The following GAB2 variants were observed in gnomAD, a reference collection of about 807,000 sequenced individuals.
The protein encoded by GAB2 is GRB2-associated-binding protein 2.
GAB2 carries 26 observed loss-of-function variants against 65.5 expected under a neutral mutation model. That is an observed-to-expected ratio of 0.40 (90% CI 0.29 to 0.55). The LOEUF (loss-of-function observed/expected upper bound fraction) is 0.55. Ranked by LOEUF, GAB2 falls within the 20% of genes least tolerant of loss-of-function variation. GAB2 has a pLI of 0.53. For synonymous variants in GAB2, 321 were observed against 329.6 expected (o/e 0.97, Z 0.28); for missense variants, 884 against 875.8 (o/e 1.01, Z -0.12).
intron 1 of GAB2, among the ~76,000 whole-genome samples, chr11:78,375,028 T>C (rs1323860056): frequency 3.3e-5 from 5 of 152,302 alleles, no homozygotes; most frequent in Admixed American, 3.3e-4. Flanking sequence ...TTGCAATCTT[T>C]GTATATTTCG....
At chr11:78,225,031 G>T in intron 5 of GAB2, 77 bp downstream of exon 5, 1 of 865,180 alleles carries the variant, frequency 1.2e-6, no homozygotes, top group Non-Finnish European at 1.9e-6. Flanking sequence ...TTTTGGGGTT[G>T]TGCTTTTAAT....
chr11:78,329,412 C>T (rs1424728094), intron 1 of GAB2, among the ~76,000 whole-genome samples: 1 of 152,106 alleles, frequency 6.6e-6, no homozygotes, highest in African/African-American at 2.4e-5. Flanking sequence ...CATCTGTGTT[C>T]CTTTTAGCAT....
At chr11:78,350,135 C>A (rs576665824) in intron 1 of GAB2, among the ~76,000 whole-genome samples, 1 of 152,064 alleles carries the variant, frequency 6.6e-6, no homozygotes, top group Non-Finnish European at 1.5e-5. Context: ...GTAAATTTAC[C>A]GTCTTCCTAT....
chr11:78,372,932 C>T (rs779873088), intron 1 of GAB2, among the ~76,000 whole-genome samples: 3 of 152,002 alleles, frequency 2.0e-5, no homozygotes, highest in Non-Finnish European at 4.4e-5. Context: ...TTTACATTTT[C>T]GCTCCATTCA....
chr11:78,244,385 C>T (rs1300111250), intron 3 of GAB2, among the ~76,000 whole-genome samples: 1 of 146,802 alleles, frequency 6.8e-6, no homozygotes, highest in Admixed American at 7.0e-5. Context: ...GAGGGAGATT[C>T]TGTCTCAAAA....
intron 2 of GAB2, among the ~76,000 whole-genome samples, chr11:78,271,976 G>C (rs147522915): frequency 1.2e-3 from 188 of 152,320 alleles, no homozygotes; most frequent in African/African-American, 3.6e-3. Flanking sequence ...GAGTTCCCCT[G>C]CACAAGCTCT....
chr11:78,233,306 A>T lies in GAB2; in HGVS notation c.621-6255T>A, dbSNP rs1169492483. On this transcript the variant is annotated intron_variant, in intron 3 of 9. Transcript: ENST00000361507. Reference sequence around the variant, plus strand: ...TGTCTTGGTCTCCCAAAGTGCTGGGATTATAGGCATGAGCCACTGCGTCTG... The same window carrying T: ...TGTCTTGGTCTCCCAAAGTGCTGGGTTTATAGGCATGAGCCACTGCGTCTG... 2.0e-5 allele frequency among the ~76,000 whole-genome samples: 3 copies of T among 152,144 alleles called. No individual in the cohort carries two copies. In the East Asian group the frequency reaches 5.8e-4, roughly 29 times the overall value.
intron 1 of GAB2, among the ~76,000 whole-genome samples, chr11:78,370,725 A>ATGTGTGTGTGTGTGTGTGTGTGTG (rs113823389): frequency 3.4e-5 from 5 of 148,786 alleles, no homozygotes; most frequent in African/African-American, 1.2e-4. Context: ...GTGTGTGTGT[A>ATGTGTGTGTGTGTGTGTGTGTGTG]TGTGTGTGTG....
At chr11:78,346,061 T>C (rs1053641877) in intron 1 of GAB2, among the ~76,000 whole-genome samples, 4 of 152,204 alleles carry the variant, frequency 2.6e-5, no homozygotes, top group African/African-American at 4.8e-5. Flanking sequence ...TAGCAAATAA[T>C]TGCATCACAG....
chr11:78,306,830 G>A (rs995797091), intron 1 of GAB2, among the ~76,000 whole-genome samples: 1 of 152,172 alleles, frequency 6.6e-6, no homozygotes, highest in Non-Finnish European at 1.5e-5. Flanking sequence ...AACTTCTGCT[G>A]TGTGCCTTAG....
rs1341314487 is a variant in GAB2, at chr11:78,262,885, A to C, written c.377-12485T>G. 3.3e-5 allele frequency among the ~76,000 whole-genome samples: 5 copies of C among 152,322 alleles called. No individual in the cohort carries two copies. In the South Asian group the frequency reaches 1.0e-3, roughly 32 times the overall value. On this transcript the variant is annotated intron_variant, in intron 2 of 9. Coordinates refer to ENST00000361507, the MANE Select transcript of GAB2 (RefSeq NM_080491.3). ...GGGGTCAGCAAACTACAGCCCATACATTACATCTGGTCTGTTTCTGTGGTT... is the reference window on the plus strand; with the variant it reads ...GGGGTCAGCAAACTACAGCCCATACCTTACATCTGGTCTGTTTCTGTGGTT...
chr11:78,370,351 G>A (rs964911670), intron 1 of GAB2, among the ~76,000 whole-genome samples: 4 of 152,086 alleles, frequency 2.6e-5, no homozygotes, highest in Non-Finnish European at 5.9e-5. Flanking sequence ...CAGGATTTTG[G>A]TGCACATTAA....
At chr11:78,407,675 A>C (rs867300198) in intron 1 of GAB2, among the ~76,000 whole-genome samples, 1 of 147,724 alleles carries the variant, frequency 6.8e-6, no homozygotes, top group African/African-American at 2.6e-5. Flanking sequence ...GAAAGAAAGA[A>C]AGAAAGAAAG....
At chr11:78,414,634 T>C (rs993743241) in intron 1 of GAB2, among the ~76,000 whole-genome samples, 2 of 152,162 alleles carry the variant, frequency 1.3e-5, no homozygotes, top group African/African-American at 4.8e-5. Flanking sequence ...TCTGCCGGCC[T>C]CCCACTGCAG....
chr11:78,263,413 G>C (rs1317874772), intron 2 of GAB2, among the ~76,000 whole-genome samples: 6 of 152,116 alleles, frequency 3.9e-5, no homozygotes, highest in South Asian at 2.1e-4. Context: ...GCGGGCAGAT[G>C]ACGAGGTCAG....
intron 2 of GAB2, among the ~76,000 whole-genome samples, chr11:78,250,938 C>A (rs899103776): frequency 1.3e-5 from 2 of 152,156 alleles, no homozygotes; most frequent in South Asian, 2.1e-4. Context: ...ACAGTAGACA[C>A]TGGGGATTAT....
intron 1 of GAB2, among the ~76,000 whole-genome samples, chr11:78,309,879 T>C (rs1235568005): frequency 6.6e-6 from 1 of 151,520 alleles, no homozygotes; most frequent in Admixed American, 6.6e-5. Flanking sequence ...CTGGTTATAA[T>C]GGCTTTCAAT....
At chr11:78,370,053 C>T (rs548840506) in intron 1 of GAB2, among the ~76,000 whole-genome samples, 3 of 151,726 alleles carry the variant, frequency 2.0e-5, no homozygotes, top group African/African-American at 4.8e-5. Flanking sequence ...GTCAGGAGAT[C>T]GAGACCATCC....
At chr11:78,390,335 T>C (rs1026872679) in intron 1 of GAB2, among the ~76,000 whole-genome samples, 2 of 152,136 alleles carry the variant, frequency 1.3e-5, no homozygotes, top group African/African-American at 4.8e-5. Context: ...TAAAAAGACT[T>C]GTTCCTTTGG....
Sources: gnomAD v4.1 joint callset for allele counts (sites outside exome capture counted in the v4.1 genomes callset) on GRCh38, gnomAD v4.1.1 for gene constraint, MANE v1.5 for transcripts, NCBI Gene and HGNC (gene_info 2026-07-23, HGNC 2026-07-21) for gene names.